ABLIM2: variants seen among roughly 807,000 people sequenced by gnomAD.
ABLIM2 encodes actin binding LIM protein family member 2.
In ABLIM2, 53 loss-of-function variants were observed where a neutral mutation model predicts 97.7. The ratio of observed to expected loss-of-function variants is 0.54; its 90% CI spans 0.44 to 0.68. The LOEUF is 0.68. Ranked by LOEUF, ABLIM2 falls within the 30% of genes least tolerant of loss-of-function variation. ABLIM2 has a pLI of 0.00. For synonymous variants in ABLIM2, 361 were observed against 345.8 expected, an observed-to-expected ratio of 1.04 and a Z score of -0.49; for missense variants, 835 against 867.2, an observed-to-expected ratio of 0.96 and a Z score of 0.47.
intron 20 of ABLIM2, among the ~76,000 whole-genome samples, chr4:7,969,738 C>CTG: frequency 8.1e-6 from 1 of 122,934 alleles, no homozygotes; most frequent in Admixed American, 8.8e-5. Context: ...CTGACACACA[C>CTG]ACACACACAC....
rs367784967 is a variant in ABLIM2, at chr4:8,098,191, CACAG to C, written c.155-913_155-910del. On this transcript the variant is annotated intron_variant, in intron 2 of 20. Transcript: ENST00000447017. ...TGGCCCAGGCCCTCCCTGCTAGAGT[CACAG>C]AGGAACCCCCTGCAGCCCCAGCCCC... Among the ~76,000 whole-genome samples, 600 of 152,302 alleles carry C rather than the reference CACAG, an allele frequency of 3.9e-3. 7 individuals carry two copies. The highest frequency in any genetic ancestry group is 0.013 in the African/African-American group (549 of 41,564).
In ABLIM2 at chr4:8,061,927, C is replaced by T. The variant is rs548407878; in HGVS notation, c.676-873G>A. On this transcript the variant is annotated intron_variant, in intron 6 of 20. Transcript: ENST00000447017. The surrounding 1 kb of genome is among the most constrained non-coding windows in gnomAD (Gnocchi z 4.5). ...TGTGCCTTCCCTAGGATGAAAACAG[C>T]CCCGAGATGGCCCCTGTGTATTGGG... Among the ~76,000 whole-genome samples, 17 of 152,282 alleles carry T rather than the reference C, an allele frequency of 1.1e-4. No homozygotes were observed. Among genetic ancestry groups the T allele is most frequent in the African/African-American group, 3.6e-4 (15 of 41,566 alleles).
chr4:8,032,783 CAG>C lies in ABLIM2; in HGVS notation c.1048-3009_1048-3008del. ...GGCAACACAGGCGCAAACACCCACA[CAG>C]AGCCCTGATCCTCCAGACAGGAAAA... On this transcript the variant is annotated intron_variant, in intron 10 of 20. Transcript: ENST00000447017. This position sits in a 1 kb window ranked among gnomAD's most constrained non-coding sequence, Gnocchi z 4.3. The C allele has an allele frequency of 8.4e-7, 1 of 1,190,928 alleles. No homozygotes were observed. Among genetic ancestry groups the C allele is most frequent in the South Asian group, 1.2e-5 (1 of 80,346 alleles). The allele number at this position is 1,190,928 out of a possible 1,614,324, so 73.8% of individuals were successfully genotyped here.
At chr4:7,974,120 C>T (rs141344606) in intron 20 of ABLIM2, among the ~76,000 whole-genome samples, 2 of 152,160 alleles carry the variant, frequency 1.3e-5, no homozygotes, top group Non-Finnish European at 2.9e-5. Context: ...ATTGTGTGGG[C>T]CAAGTTCTTA....
At chr4:8,137,500 G>A (rs995244102) in intron 1 of ABLIM2, among the ~76,000 whole-genome samples, 1 of 152,326 alleles carries the variant, frequency 6.6e-6, no homozygotes. Context: ...GAGGGGAACC[G>A]CCTGTGCAAA....
rs1346665742 is a variant in ABLIM2 at position 8,044,988 on chromosome 4, C to T, written c.900+176G>A. ...AACAAACATGTCTGTGTTTCAGACT[C>T]ATAAAGCCTGTACCAACCTCCACCC... On this transcript the variant is annotated intron_variant, in intron 9 of 20. Transcript: ENST00000447017. This position sits in a 1 kb window ranked among gnomAD's most constrained non-coding sequence, Gnocchi z 4.4. 6.6e-6 allele frequency among the ~76,000 whole-genome samples: 1 copy of T among 152,202 alleles called. No homozygotes were observed. The highest frequency in any genetic ancestry group is 2.4e-5 in the African/African-American group (1 of 41,436).
chr4:7,989,072 C>CTTTTTTTTTTT (rs71175445), intron 17 of ABLIM2, among the ~76,000 whole-genome samples: 11 of 81,330 alleles, frequency 1.4e-4, no homozygotes, highest in Non-Finnish European at 2.0e-4. Context: ...ACACATTAGT[C>CTTTTTTTTTTT]TTTTTTTTTT....
Position 8,019,508 on chromosome 4 carries a change from G to T in ABLIM2, c.1423+110C>A. 1 of 1,056,556 alleles carries T rather than the reference G, an allele frequency of 9.5e-7. No individual in the cohort carries two copies. Among genetic ancestry groups the T allele is most frequent in the Non-Finnish European group, 1.4e-6 (1 of 722,648 alleles). The allele number at this position is 1,056,556 out of a possible 1,614,324, so 65.4% of individuals were successfully genotyped here. ...TAGTCAGACTGCTAAGGGCCTTGGT[G>T]GTGCCTTCACTGCATTTATCAGAAC... On this transcript the variant is annotated intron_variant, in intron 14 of 20. Coordinates refer to ENST00000447017, the MANE Select transcript of ABLIM2 (RefSeq NM_001130083.2). This position sits in a 1 kb window ranked among gnomAD's most constrained non-coding sequence, Gnocchi z 4.3.
At chr4:8,073,693 G>T (rs1813924520) in intron 6 of ABLIM2, among the ~76,000 whole-genome samples, 2 of 152,224 alleles carry the variant, frequency 1.3e-5, no homozygotes, top group African/African-American at 4.8e-5. Context: ...AACATCTGCA[G>T]CCTTATGTGA....
rs940678358 is a variant in ABLIM2 at position 7,966,784 on chromosome 4, C to T, written c.*206G>A. 3 of 564,376 alleles carry T rather than the reference C, an allele frequency of 5.3e-6. No individual in the cohort carries two copies. The highest frequency in any genetic ancestry group is 6.3e-6 in the Non-Finnish European group (2 of 316,592). 35.0% of individuals were successfully genotyped at this position (564,376 alleles called of 1,614,324 possible). On this transcript the variant is annotated 3_prime_UTR_variant, in exon 21 of 21. Transcript: ENST00000447017. The stretch of plus-strand genomic sequence containing the variant: ...ACCAAGCCACAGCGGGGAAGGGTGG[C>T]GTGAAGCTAGCCGTCTCGGCCCTAA...
In ABLIM2 at chr4:8,001,414, C is replaced by G. The variant is rs1757103204; in HGVS notation, c.1618+6645G>C. On this transcript the variant is annotated intron_variant, in intron 16 of 20. Transcript: ENST00000447017. The surrounding 1 kb of genome is among the most constrained non-coding windows in gnomAD (Gnocchi z 4.2). ...TGGGGATTCCGGCTGAAGGCTAGTC[C>G]CCAGGCAACCCAACGGCAGCGGCTG... is the stretch of plus-strand genomic sequence containing the variant. Among the ~76,000 whole-genome samples the G allele has an allele frequency of 6.6e-6, 1 of 152,096 alleles. No individual in the cohort carries two copies. Among genetic ancestry groups the G allele is most frequent in the Non-Finnish European group, 1.5e-5 (1 of 67,996 alleles).
At position 7,970,702 on chromosome 4, in the gene ABLIM2, G is replaced by A. The variant is rs950417739; in HGVS notation, c.1825-3599C>T. 2.6e-5 allele frequency among the ~76,000 whole-genome samples: 4 copies of A among 151,968 alleles called. No homozygotes were observed. Among genetic ancestry groups the A allele is most frequent in the African/African-American group, 9.7e-5 (4 of 41,374 alleles). ...TGACTGTGGGGGGGCGGTGGAGGGAGCATCTGGGTGGCTTCTGAAGTTGCT... is the reference window on the plus strand; with the variant it reads ...TGACTGTGGGGGGGCGGTGGAGGGAACATCTGGGTGGCTTCTGAAGTTGCT... On this transcript the variant is annotated intron_variant, in intron 20 of 20. Coordinates refer to ENST00000447017, the MANE Select transcript of ABLIM2 (RefSeq NM_001130083.2). This position sits in a 1 kb window ranked among gnomAD's most constrained non-coding sequence, Gnocchi z 5.3.
At chr4:8,154,508 C>T (rs923987722) in intron 1 of ABLIM2, among the ~76,000 whole-genome samples, 131 of 151,876 alleles carry the variant, frequency 8.6e-4, no homozygotes, top group Non-Finnish European at 1.3e-3. Flanking sequence ...TCTCAATCTC[C>T]TGACCTTGTG....
At chr4:8,076,624 C>T (rs1164659758) in intron 6 of ABLIM2, among the ~76,000 whole-genome samples, 1 of 151,840 alleles carries the variant, frequency 6.6e-6, no homozygotes, top group Admixed American at 6.6e-5. Flanking sequence ...ATTCTCGAGA[C>T]CCCCCTGGTC....
intron 9 of ABLIM2, among the ~76,000 whole-genome samples, chr4:8,039,447 G>A (rs186796499): frequency 5.9e-5 from 9 of 152,260 alleles, no homozygotes; most frequent in African/African-American, 2.2e-4. Flanking sequence ...CCCTCAGACA[G>A]GTTGCTAAGT....
chr4:8,143,144 G>C (rs1251031894), intron 1 of ABLIM2, among the ~76,000 whole-genome samples: 2 of 147,666 alleles, frequency 1.4e-5, no homozygotes, highest in African/African-American at 5.0e-5. Flanking sequence ...CCCATACTGG[G>C]AGCGGGGGCG....
intron 5 of ABLIM2, among the ~76,000 whole-genome samples, chr4:8,080,237 G>C (rs1171918755): frequency 6.6e-6 from 1 of 152,190 alleles, no homozygotes; most frequent in African/African-American, 2.4e-5. Flanking sequence ...TGACACCTGG[G>C]ATGGGTCAGC....
Position 7,966,880 on chromosome 4 carries a change from AT to A in ABLIM2, c.*109del. 1 of 80,214 alleles carries A rather than the reference AT, an allele frequency of 1.2e-5. No homozygotes were observed. Among genetic ancestry groups the A allele is most frequent in the East Asian group, 2.1e-4 (1 of 4,686 alleles). 5.0% of individuals were successfully genotyped at this position (80,214 alleles called of 1,614,324 possible). A position where few individuals can be genotyped will look rare whatever the true frequency, so the allele number is the denominator to read the frequency against. On this transcript the variant is annotated 3_prime_UTR_variant, in exon 21 of 21. Transcript: ENST00000447017. ...TGGGGGACCCCCTCCCGCCCACCCCATGGACACAGAGAAGCCAGAGCAAGGT... is the reference window on the plus strand; with the variant it reads ...TGGGGGACCCCCTCCCGCCCACCCCAGGACACAGAGAAGCCAGAGCAAGGT...
intron 14 of ABLIM2, among the ~76,000 whole-genome samples, chr4:8,018,627 A>C (rs1173608955): frequency 1.3e-5 from 2 of 152,248 alleles, no homozygotes; most frequent in African/African-American, 4.8e-5. Context: ...GTATTTTAAA[A>C]GTTTGTATAA....
Sources: gnomAD v4.1 joint callset for allele counts (sites outside exome capture counted in the v4.1 genomes callset) on GRCh38, gnomAD v4.1.1 for gene constraint, Gnocchi (gnomAD v3.1) non-coding constraint, MANE v1.5 for transcripts, NCBI Gene and HGNC (gene_info 2026-07-23, HGNC 2026-07-21) for gene names.